USP39: variants seen among roughly 807,000 people sequenced by gnomAD.
The protein encoded by USP39 is ubiquitin specific peptidase 39.
USP39 carries 38 observed loss-of-function variants against 66.4 expected under a neutral mutation model. That is an observed-to-expected ratio of 0.57 (90% confidence interval 0.44 to 0.75). The LOEUF is 0.75. Ranked by LOEUF, USP39 falls within the 30% of genes least tolerant of loss-of-function variation. The pLI, the probability that USP39 is intolerant of heterozygous loss-of-function variation, is 0.00. For missense variants in USP39, 608 were observed against 714.4 expected (o/e 0.85, Z 1.70); for synonymous variants, 303 against 274.6 (o/e 1.10, Z -1.02).
chr2:85,612,250 A>G, upstream of USP39: 1 of 1,407,748 alleles, frequency 7.1e-7, no homozygotes, highest in Non-Finnish European at 9.6e-7. Flanking sequence ...TAACATATCA[A>G]TAGGAAACAA....
chr2:85,633,541 G>A (rs1675530127), intron 6 of USP39, among the ~76,000 whole-genome samples: 1 of 152,126 alleles, frequency 6.6e-6, no homozygotes, highest in Admixed American at 6.6e-5. Context: ...AGATCAAGGT[G>A]GGTGGATTGC....
chr2:85,621,557 G>C lies in USP39; in HGVS notation c.411G>C (p.Leu137=), dbSNP rs757397591. 1.2e-6 allele frequency: 2 copies of C among 1,613,454 alleles called. No homozygotes were observed. Among genetic ancestry groups the C allele is most frequent in the East Asian group, 2.2e-5 (1 of 44,860 alleles). The part of the protein sequence containing the change: ...SLSHINAYAC[L]VCGKYFQGRG... The stretch of plus-strand genomic sequence containing the variant: ...CACACATCAATGCTTATGCCTGTCT[G>C]GTGTGTGGCAAGTACTTTCAAGGTA... Residue 137 remains leucine (L), a synonymous_variant, in exon 3 of 13, where the codon CTG becomes CTC. Transcript: ENST00000323701.
intron 2 of USP39, among the ~76,000 whole-genome samples, chr2:85,619,667 T>TA (rs1674297318): frequency 4.0e-5 from 6 of 151,750 alleles, no homozygotes; most frequent in Admixed American, 1.3e-4. Flanking sequence ...CATTCTTTTC[T>TA]CTGATTCCCA....
At chr2:85,618,541 G>T (rs1674185847) in intron 1 of USP39, among the ~76,000 whole-genome samples, 1 of 142,260 alleles carries the variant, frequency 7.0e-6, no homozygotes, top group African/African-American at 2.6e-5. Context: ...CAGCCTGGGG[G>T]ACAGAGCGAG....
intron 2 of USP39, 31 bp from the exon 3 acceptor site, chr2:85,621,454 C>T (rs769153638): frequency 1.3e-6 from 2 of 1,599,104 alleles, no homozygotes; most frequent in African/African-American, 2.7e-5. Context: ...CATGTCCATC[C>T]TATTTATTTT....
chr2:85,625,729 A>G lies in USP39; in HGVS notation c.723+38A>G, dbSNP rs754779387. On this transcript the variant is annotated intron_variant, in intron 5 of 12. Transcript: ENST00000323701. ...CGGGAACATTGAGGAAGAGAAGGACACCCAGAAGGCTGAGCACAGTGGCTC... is the reference window on the plus strand; with the variant it reads ...CGGGAACATTGAGGAAGAGAAGGACGCCCAGAAGGCTGAGCACAGTGGCTC... The G allele has an allele frequency of 2.5e-6, 4 of 1,601,792 alleles. No individual in the cohort carries two copies. In the East Asian group the frequency reaches 9.0e-5, roughly 36 times the overall value.
chr2:85,624,007 G>C (rs1200688258), intron 4 of USP39, among the ~76,000 whole-genome samples: 1 of 152,136 alleles, frequency 6.6e-6, no homozygotes, highest in Non-Finnish European at 1.5e-5. Context: ...AACATTGAGG[G>C]CTAGGACTGA....
At chr2:85,609,445 A>AT (rs775489877), upstream of USP39, 2 of 1,614,226 alleles carry the variant, frequency 1.2e-6, no homozygotes, top group Non-Finnish European at 1.7e-6. Context: ...CTGATAGACG[A>AT]TAACTGATGT....
chr2:85,641,161 T>A (rs1676207737), intron 10 of USP39, 43 bp downstream of exon 10: 1 of 1,604,732 alleles, frequency 6.2e-7, no homozygotes, highest in East Asian at 2.2e-5. Context: ...GGAGTGAACC[T>A]GGATTTCTTC....
At chr2:85,619,415 G>A (rs1158138887) in intron 2 of USP39, 126 bp downstream of exon 2, 29 of 902,406 alleles carry the variant, frequency 3.2e-5, no homozygotes, top group Non-Finnish European at 4.9e-5. Flanking sequence ...AGAGAGTTGT[G>A]CTTCTTGCCA....
chr2:85,608,886 C>T (rs1673321173), upstream of USP39: 1 of 1,597,994 alleles, frequency 6.3e-7, no homozygotes, highest in Admixed American at 1.7e-5. Flanking sequence ...ACTAAATTCC[C>T]TGGGCAGAAT....
At chr2:85,646,882 G>GC (rs1676683352) in intron 11 of USP39, among the ~76,000 whole-genome samples, 1 of 126,750 alleles carries the variant, frequency 7.9e-6, no homozygotes, top group Non-Finnish European at 1.7e-5. Flanking sequence ...ATGACCTGTT[G>GC]CTTTTTTTTT....
upstream of USP39, among the ~76,000 whole-genome samples, chr2:85,615,603 G>A (rs1198565131): frequency 2.0e-5 from 3 of 152,132 alleles, no homozygotes; most frequent in African/African-American, 4.8e-5. Flanking sequence ...TCACGGTGGT[G>A]GTTTCGAGGC....
At chr2:85,619,374 T>C in intron 2 of USP39, 85 bp downstream of exon 2, 3 of 1,408,306 alleles carry the variant, frequency 2.1e-6, no homozygotes, top group Non-Finnish European at 2.9e-6. Context: ...GAACAACACA[T>C]TGACAAACTT....
intron 6 of USP39, among the ~76,000 whole-genome samples, chr2:85,631,245 C>G (rs1027277135): frequency 4.0e-5 from 6 of 151,622 alleles, no homozygotes; most frequent in Admixed American, 1.3e-4. Context: ...GAACTCCTGA[C>G]CTCTTGATCC....
At chr2:85,639,164 C>T (rs1676032405) in intron 8 of USP39, 39 bp from the exon 9 acceptor site, 1 of 1,582,966 alleles carries the variant, frequency 6.3e-7, no homozygotes, top group Admixed American at 1.8e-5. Context: ...CTATACCCGT[C>T]ACACTCCTTT....
In USP39 at chr2:85,621,506, T is replaced by C. The variant is rs1022840759; in HGVS notation, c.360T>C (p.Phe120=). ...TINRSVLDFD[F]EKLCSISLSH... Reference sequence around the variant, plus strand: ...TTAGGAGTGTGCTGGACTTTGACTTTGAGAAACTGTGTTCTATCTCCCTCT... The same window carrying C: ...TTAGGAGTGTGCTGGACTTTGACTTCGAGAAACTGTGTTCTATCTCCCTCT... The change falls in exon 3 of 13, where the codon TTT becomes TTC. Residue 120 remains phenylalanine, a synonymous_variant. Coordinates refer to ENST00000323701, the MANE Select transcript of USP39 (RefSeq NM_006590.4). 1.6e-5 allele frequency: 26 copies of C among 1,614,168 alleles called. No individual in the cohort carries two copies. The highest frequency in any genetic ancestry group is 2.1e-5 in the Non-Finnish European group (25 of 1,179,996).
intron 4 of USP39, among the ~76,000 whole-genome samples, chr2:85,624,960 TCTAAAAAAA>T (rs1026009515): frequency 2.1e-4 from 23 of 111,362 alleles, no homozygotes; most frequent in African/African-American, 1.1e-3. Flanking sequence ...CAAAACTCCA[TCTAAAAAAA>T]AAAAAAAAAG....
intron 1 of USP39, chr2:85,607,065 G>A (rs1372671952): frequency 6.6e-6 from 1 of 152,132 alleles, no homozygotes; most frequent in Non-Finnish European, 1.5e-5. Flanking sequence ...TACTTAATAA[G>A]AATGCGGTCT....
Sources: allele counts gnomAD v4.1 joint callset (sites outside exome capture counted in the v4.1 genomes callset), GRCh38; gene constraint gnomAD v4.1.1; transcripts MANE v1.5; gene names NCBI Gene and HGNC (gene_info 2026-07-23, HGNC 2026-07-21).